The following TOMM40 variants were observed in gnomAD, a reference collection of about 807,000 sequenced individuals.
TOMM40 encodes translocase of outer mitochondrial membrane 40.
TOMM40 carries 9 observed loss-of-function variants against 38.4 expected under a neutral mutation model. The observed-to-expected ratio is 0.23, with a 90% CI of 0.14 to 0.41. The LOEUF (loss-of-function observed/expected upper bound fraction) is 0.41, where lower values mean the gene tolerates loss of function less well. TOMM40 is among the 10% of genes least tolerant of loss of function. TOMM40 has a pLI of 1.00. For missense variants in TOMM40, 299 were observed against 486.5 expected (o/e 0.61, Z 3.63); for synonymous variants, 184 against 210.0 (o/e 0.88, Z 1.07).
In TOMM40 at chr19:44,893,760, C is replaced by G. The variant is rs768355553; in HGVS notation, c.436-20C>G. ...CACAGTGCACCACCTCTGACCCCTTCCGTTCTCTCTGCCTCACAGGCGTTC... is the reference window on the plus strand; with the variant it reads ...CACAGTGCACCACCTCTGACCCCTTGCGTTCTCTCTGCCTCACAGGCGTTC... On this transcript the variant is annotated intron_variant, in intron 3 of 8. Coordinates refer to ENST00000426677, the MANE Select transcript of TOMM40 (RefSeq NM_001128917.2). 5 of 1,608,506 alleles carry G rather than the reference C, an allele frequency of 3.1e-6. No individual in the cohort carries two copies. The highest frequency in any genetic ancestry group is 3.4e-6 in the Non-Finnish European group (4 of 1,177,110).
chr19:44,903,527 G>C lies in TOMM40; in HGVS notation c.*358G>C, dbSNP rs567079891. 2,120 of 214,452 alleles carry C rather than the reference G, an allele frequency of 9.9e-3. 27 individuals carry two copies. The highest frequency in any genetic ancestry group is 0.016 in the Non-Finnish European group (1,677 of 107,276). The allele number at this position is 214,452 out of a possible 1,614,324, so 13.3% of individuals were successfully genotyped here. ...TCCAAAGGGCCTGGGCCCGCCCCGA[G>C]GGGGCAGCGAGAGGAGCTTCCCCAT... On this transcript the variant is annotated 3_prime_UTR_variant, in exon 9 of 9. Coordinates refer to ENST00000426677, the MANE Select transcript of TOMM40 (RefSeq NM_001128917.2).
chr19:44,900,644 C>T, intron 5 of TOMM40, 86 bp from the exon 6 acceptor site: 1 of 1,605,452 alleles, frequency 6.2e-7, no homozygotes, highest in Non-Finnish European at 8.5e-7. Context: ...AAGCCTCCAG[C>T]CGGGGTGAGC....
rs1969704944 is a variant in TOMM40, at chr19:44,902,692, C to G, written c.947-338C>G. The G allele has an allele frequency of 5.1e-5, 10 of 197,828 alleles. 1 individual carries two copies. The South Asian group carries it at 1.4e-3, about 29-fold the overall frequency. 12.3% of individuals were successfully genotyped at this position (197,828 alleles called of 1,614,324 possible). ...AGATTTTGGGTGTTTGAGCCTCCTG[C>G]TGAGCACTGCTGGGGCCACAGCGGT... On this transcript the variant is annotated intron_variant, in intron 8 of 8. Coordinates refer to ENST00000426677, the MANE Select transcript of TOMM40 (RefSeq NM_001128917.2).
intron 1 of TOMM40, among the ~76,000 whole-genome samples, chr19:44,892,146 G>A (rs1760506808): frequency 6.6e-6 from 1 of 152,224 alleles, no homozygotes; most frequent in African/African-American, 2.4e-5. Context: ...GGACAATTCT[G>A]TGTGGTGAGG....
rs1969458998 is a variant in TOMM40, at chr19:44,891,401, C to T, written c.-15C>T. 1 of 1,282,400 alleles carries T rather than the reference C, an allele frequency of 7.8e-7. No individual in the cohort carries two copies. Among genetic ancestry groups the T allele is most frequent in the East Asian group, 3.1e-5 (1 of 32,160 alleles). The allele number at this position is 1,282,400 out of a possible 1,614,324, so 79.4% of individuals were successfully genotyped here. On this transcript the variant is annotated 5_prime_UTR_variant, in exon 1 of 9. Transcript: ENST00000426677. ...CCTGACCTCTGCCCTCTGACCTCTC[C>T]CCTAGCAGGCGACCATGGGGAACGT...
intron 1 of TOMM40, 98 bp downstream of exon 1, chr19:44,891,787 A>G: frequency 1.2e-5 from 15 of 1,229,564 alleles, no homozygotes; most frequent in Non-Finnish European, 1.6e-5. Flanking sequence ...CACCATTGGA[A>G]TTATTTAACA....
intron 2 of TOMM40, 81 bp downstream of exon 2, chr19:44,892,541 C>A: frequency 1.5e-6 from 2 of 1,325,172 alleles, no homozygotes; most frequent in Non-Finnish European, 2.2e-6. Flanking sequence ...GGCCCAATTA[C>A]TCCTCCCTCA....
chr19:44,892,488 C>A, intron 2 of TOMM40, 28 bp downstream of exon 2: 1 of 1,605,906 alleles, frequency 6.2e-7, no homozygotes, highest in Non-Finnish European at 8.5e-7. Context: ...CCTTACCCAC[C>A]AGAGATCGTC....
At chr19:44,902,249 C>T (rs985646691) in intron 8 of TOMM40, 1 of 152,248 alleles carries the variant, frequency 6.6e-6, no homozygotes, top group Non-Finnish European at 1.5e-5. Context: ...GTCGCCCAGG[C>T]TAGAGTGCAG....
chr19:44,892,853 C>T lies in TOMM40; in HGVS notation c.359C>T (p.Ala120Val). 6.2e-7 allele frequency: 1 copy of T among 1,613,790 alleles called. No individual in the cohort carries two copies. The highest frequency in any genetic ancestry group is 2.2e-5 in the East Asian group (1 of 44,872). The change falls in exon 3 of 9, where the codon GCC (alanine) becomes GTC (valine). Residue 120 changes from alanine (A) to valine (V), a missense_variant. Physicochemically the swap from Ala to Val is moderately conservative, Grantham distance 64. Transcript: ENST00000426677. ...TCCTTCCAGGTCAACCACACAGTAG[C>T]CCTCAGCACAATCGGGGAGTCCAAC... ...SNHFQVNHTV[A>V]LSTIGESNYH...
At chr19:44,895,972 C>T (rs377676779) in intron 5 of TOMM40, among the ~76,000 whole-genome samples, 1 of 152,208 alleles carries the variant, frequency 6.6e-6, no homozygotes. Context: ...GGAAGGCTTG[C>T]GTGCGCATGT....
At chr19:44,891,864 A>G (rs1348452687) in intron 1 of TOMM40, among the ~76,000 whole-genome samples, 175 bp downstream of exon 1, 4 of 152,204 alleles carry the variant, frequency 2.6e-5, no homozygotes, top group Admixed American at 2.6e-4. Context: ...TGATGGAATC[A>G]AATGCTGGAA....
chr19:44,900,972 C>T (rs1395071322), intron 6 of TOMM40, 56 bp from the exon 7 acceptor site: 1 of 1,611,718 alleles, frequency 6.2e-7, no homozygotes, highest in East Asian at 2.2e-5. Flanking sequence ...CCTGGGTTCC[C>T]AGATGCCCAA....
rs4803768 is a variant in TOMM40 at position 44,893,019 on chromosome 19, G to A, written c.435+90G>A. The A allele has an allele frequency of 5.4e-3, 5,850 of 1,091,864 alleles. 35 individuals are homozygous for A. The highest frequency in any genetic ancestry group is 0.031 in the Middle Eastern group (154 of 4,934). The allele number at this position is 1,091,864 out of a possible 1,614,324, so 67.6% of individuals were successfully genotyped here. ...GCTAAGACGGCCTCATCAGGAAAAG[G>A]TCACAGCTACCGAGAGCCTGGAGAT... On this transcript the variant is annotated intron_variant, in intron 3 of 8. Coordinates refer to ENST00000426677, the MANE Select transcript of TOMM40 (RefSeq NM_001128917.2).
chr19:44,893,625 G>A (rs893973039), intron 3 of TOMM40, among the ~76,000 whole-genome samples, 155 bp from the exon 4 acceptor site: 3 of 152,184 alleles, frequency 2.0e-5, no homozygotes, highest in Non-Finnish European at 2.9e-5. Context: ...CCCAAAGGTC[G>A]GGGAGCCTAA....
intron 5 of TOMM40, among the ~76,000 whole-genome samples, chr19:44,896,876 A>T (rs1389225545): frequency 6.6e-6 from 1 of 152,154 alleles, no homozygotes; most frequent in Non-Finnish European, 1.5e-5. Flanking sequence ...GCAACATAGC[A>T]ATACCCTGTC....
At chr19:44,899,114 CAG>C (rs1296073658) in intron 5 of TOMM40, among the ~76,000 whole-genome samples, 1 of 137,306 alleles carries the variant, frequency 7.3e-6, no homozygotes, top group African/African-American at 2.8e-5. Context: ...GCCTGGGCGA[CAG>C]AGCGAGACTC....
chr19:44,900,893 C>T, intron 6 of TOMM40, 41 bp downstream of exon 6: 7 of 1,610,564 alleles, frequency 4.3e-6, no homozygotes, highest in Non-Finnish European at 5.9e-6. Context: ...GGGGCTGGGC[C>T]CCTGGACTCC....
At chr19:44,900,673 G>A in intron 5 of TOMM40, 57 bp from the exon 6 acceptor site, 1 of 1,610,866 alleles carries the variant, frequency 6.2e-7, no homozygotes. Flanking sequence ...CTTCCTGGAG[G>A]TGGAGTCTAG....
Sources: gnomAD v4.1 joint callset for allele counts (sites outside exome capture counted in the v4.1 genomes callset) on GRCh38, gnomAD v4.1.1 for gene constraint, MANE v1.5 for transcripts, NCBI Gene and HGNC (gene_info 2026-07-23, HGNC 2026-07-21) for gene names.